The following ACTR3C variants were observed in gnomAD, a reference collection of about 807,000 sequenced individuals.
ACTR3C encodes actin related protein 3C.
ACTR3C carries 18 observed loss-of-function variants against 26.3 expected under a neutral mutation model. That is an observed-to-expected ratio of 0.68 (90% CI 0.47 to 1.01). The LOEUF (loss-of-function observed/expected upper bound fraction) is 1.01. Ranked by LOEUF, ACTR3C falls within the 50% of genes least tolerant of loss-of-function variation. The pLI, the probability that ACTR3C is intolerant of heterozygous loss-of-function variation, is 0.00. For missense variants in ACTR3C, 184 were observed against 250.7 expected, an observed-to-expected ratio of 0.73 and a Z score of 1.80; for synonymous variants, 55 against 94.5, an observed-to-expected ratio of 0.58 and a Z score of 2.42.
At chr7:150,112,620 A>T in the ACTR3C span, among the ~76,000 whole-genome samples, 59 of 152,282 alleles carry the variant, frequency 3.9e-4, no homozygotes, top group African/African-American at 1.3e-3. Flanking sequence ...AGTTTGATGC[A>T]TCACCCTTGA....
the ACTR3C span, among the ~76,000 whole-genome samples, chr7:149,972,428 T>C: frequency 1.2e-4 from 19 of 152,212 alleles, no homozygotes. Context: ...CACGTTCCCA[T>C]CTGCCTGCTC....
chr7:150,015,001 T>A, the ACTR3C span, among the ~76,000 whole-genome samples: 1 of 152,160 alleles, frequency 6.6e-6, no homozygotes, highest in Non-Finnish European at 1.5e-5. Flanking sequence ...GTATGGAGAA[T>A]AACAAAACAA....
At chr7:149,953,204 A>G in the ACTR3C span, among the ~76,000 whole-genome samples, 468 of 149,748 alleles carry the variant, frequency 3.1e-3, 4 homozygotes, top group African/African-American at 0.011. Flanking sequence ...AAGTCACACC[A>G]TTTTGTAAAG....
intron 1 of ACTR3C, among the ~76,000 whole-genome samples, chr7:150,309,122 A>G (rs1212292402): frequency 2.6e-5 from 4 of 152,108 alleles, no homozygotes; most frequent in African/African-American, 9.7e-5. Context: ...TGATCCCCAA[A>G]GGGAATACCA....
At chr7:150,101,582 G>A in the ACTR3C span, among the ~76,000 whole-genome samples, 2 of 151,858 alleles carry the variant, frequency 1.3e-5, no homozygotes, top group South Asian at 2.1e-4. Context: ...AGAGGAGAGC[G>A]GGGCTGCCCA....
At chr7:150,041,119 C>A in the ACTR3C span, among the ~76,000 whole-genome samples, 2 of 150,502 alleles carry the variant, frequency 1.3e-5, no homozygotes, top group Non-Finnish European at 2.9e-5. Flanking sequence ...TCGGGTAGCC[C>A]CAGGGCTGGG....
At chr7:150,101,898 TAA>T in the ACTR3C span, among the ~76,000 whole-genome samples, 2 of 151,734 alleles carry the variant, frequency 1.3e-5, no homozygotes, top group African/African-American at 4.9e-5. Flanking sequence ...TTCACAGTGC[TAA>T]CAGTCAAAGA....
At chr7:150,314,145 T>C (rs1004325089) in intron 1 of ACTR3C, among the ~76,000 whole-genome samples, 3 of 152,164 alleles carry the variant, frequency 2.0e-5, no homozygotes, top group Admixed American at 2.0e-4. Flanking sequence ...TGGGGCTGTA[T>C]ACGTGTCTCC....
chr7:149,906,431 T>C, the ACTR3C span, among the ~76,000 whole-genome samples: 43 of 78,826 alleles, frequency 5.5e-4, no homozygotes, highest in African/African-American at 1.2e-3. Flanking sequence ...TTTTTTTTTT[T>C]TTTTTTTTTT....
the ACTR3C span, among the ~76,000 whole-genome samples, chr7:149,898,315 G>A: frequency 6.6e-6 from 1 of 152,252 alleles, no homozygotes; most frequent in Non-Finnish European, 1.5e-5. Flanking sequence ...AAGGGCCACT[G>A]CCAATGTGCC....
the ACTR3C span, among the ~76,000 whole-genome samples, chr7:149,979,916 C>T: frequency 6.9e-6 from 1 of 144,748 alleles, no homozygotes; most frequent in Admixed American, 6.7e-5. Flanking sequence ...TTTGGGGGTG[C>T]CCCTCCCGTG....
chr7:150,286,395 A>G lies in ACTR3C; in HGVS notation c.443T>C (p.Leu148Pro). Residue 148 changes from leucine to proline, a missense_variant, in exon 5 of 8, where the codon CTG becomes CCG. Leu to Pro is a moderately conservative substitution (Grantham distance 98). Transcript: ENST00000683684. ...FVIDVGYERF[L>P]GPEIFFHPEF... ...CGGGTGAAAGAATATTTCAGGTCCC[A>G]GGAATCTTTCGTAACCAACGTCTAT... 6.2e-7 allele frequency: 1 copy of G among 1,614,032 alleles called. No individual in the cohort carries two copies. Among genetic ancestry groups the G allele is most frequent in the Non-Finnish European group, 8.5e-7 (1 of 1,180,024 alleles).
At chr7:150,008,100 G>A in the ACTR3C span, among the ~76,000 whole-genome samples, 1 of 152,196 alleles carries the variant, frequency 6.6e-6, no homozygotes, top group Admixed American at 6.5e-5. Context: ...TCCACGTTTT[G>A]AACACTTCTG....
chr7:150,080,512 AGTGTTTGTGTGTGTAT>A, the ACTR3C span, among the ~76,000 whole-genome samples: 27 of 127,756 alleles, frequency 2.1e-4, no homozygotes, highest in African/African-American at 7.9e-4. Flanking sequence ...CTGCTGTATG[AGTGTTTGTGTGTGTAT>A]GTGTGTGTGT....
intron 6 of ACTR3C, among the ~76,000 whole-genome samples, chr7:150,252,229 G>C (rs1832907120): frequency 1.3e-5 from 2 of 152,132 alleles, no homozygotes; most frequent in South Asian, 4.1e-4. Flanking sequence ...TAATCAACAT[G>C]TATTTCTGAA....
the ACTR3C span, among the ~76,000 whole-genome samples, chr7:150,091,986 T>TCAAA: frequency 1.5e-4 from 1 of 6,462 alleles, no homozygotes; most frequent in Non-Finnish European, 3.6e-4. Flanking sequence ...AGACTCCGTC[T>TCAAA]CAAAAAAAAA....
the ACTR3C span, among the ~76,000 whole-genome samples, chr7:150,107,362 G>A: frequency 6.6e-6 from 1 of 151,864 alleles, no homozygotes; most frequent in Admixed American, 6.6e-5. Flanking sequence ...CAGGGGGACA[G>A]CCTAAAGATG....
At chr7:150,040,566 C>T in the ACTR3C span, 19 of 148,256 alleles carry the variant, frequency 1.3e-4, 3 homozygotes, top group African/African-American at 4.4e-4. Context: ...GCCTTCTGCC[C>T]TTAAGCTCCG....
At chr7:150,014,454 T>G in the ACTR3C span, among the ~76,000 whole-genome samples, 6 of 16,932 alleles carry the variant, frequency 3.5e-4, no homozygotes, top group Admixed American at 3.1e-3. Context: ...AGACTCCGTC[T>G]CAAAAAAAAA....
Sources: allele counts gnomAD v4.1 joint callset (sites outside exome capture counted in the v4.1 genomes callset), GRCh38; gene constraint gnomAD v4.1.1; transcripts MANE v1.5; gene names NCBI Gene and HGNC (gene_info 2026-07-23, HGNC 2026-07-21).